Variants in ARFGEF1 observed in about 807,000 individuals in gnomAD.
ARFGEF1 encodes brefeldin A-inhibited guanine nucleotide-exchange protein 1.
ARFGEF1 carries 42 observed loss-of-function variants against 231.0 expected under a neutral mutation model. The ratio of observed to expected loss-of-function variants is 0.18; its 90% CI spans 0.14 to 0.24. The LOEUF (loss-of-function observed/expected upper bound fraction) is 0.24, where lower values mean the gene tolerates loss of function less well. Ranked by LOEUF, ARFGEF1 falls within the 10% of genes least tolerant of loss-of-function variation. The pLI is 1.00. For synonymous variants in ARFGEF1, 710 were observed against 732.3 expected (o/e 0.97, Z 0.49); for missense variants, 1,345 against 2,192.0 (o/e 0.61, Z 7.72).
At position 67,247,913 on chromosome 8, in the gene ARFGEF1, C is replaced by G. The variant is rs576175464; in HGVS notation, c.2850+3386G>C. 9.3e-5 allele frequency among the ~76,000 whole-genome samples: 14 copies of G among 150,220 alleles called. 1 individual carries two copies. The East Asian group carries it at 1.7e-3, about 19-fold the overall frequency. ...ATTCAGTAGCATTTCTATTTGACAA[C>G]AGTGAACAATCTGAGAAAGAAATTT... On this transcript the variant is annotated intron_variant, in intron 19 of 38. Transcript: ENST00000262215.
At chr8:67,315,397 C>G (rs545600798) in intron 1 of ARFGEF1, among the ~76,000 whole-genome samples, 1 of 152,092 alleles carries the variant, frequency 6.6e-6, no homozygotes, top group Non-Finnish European at 1.5e-5. Context: ...CACCATCAAT[C>G]GGCAGGGTAT....
intron 22 of ARFGEF1, among the ~76,000 whole-genome samples, chr8:67,235,419 A>G (rs1345469248): frequency 6.6e-6 from 1 of 152,172 alleles, no homozygotes; most frequent in Non-Finnish European, 1.5e-5. Flanking sequence ...AGCAATCACA[A>G]TAGAGAGGGC....
chr8:67,296,869 G>A (rs1454584350), intron 4 of ARFGEF1, among the ~76,000 whole-genome samples: 1 of 151,872 alleles, frequency 6.6e-6, no homozygotes, highest in African/African-American at 2.4e-5. Context: ...GCCCAGACTG[G>A]TCTCACTCCT....
Position 67,343,637 on chromosome 8 carries a change from G to A in ARFGEF1, c.-350C>T. ...CCCGGCCCGGGCGGCTGTCTGCCGG[G>A]AACTGAGGGACGAGGTGGCGGCGGC... On this transcript the variant is annotated 5_prime_UTR_variant, in exon 1 of 39. Transcript: ENST00000262215. 2.9e-6 allele frequency: 3 copies of A among 1,022,214 alleles called. No individual in the cohort carries two copies. The highest frequency in any genetic ancestry group is 3.5e-6 in the Non-Finnish European group (3 of 853,384). The allele number at this position is 1,022,214 out of a possible 1,614,324, so 63.3% of individuals were successfully genotyped here. A position where few individuals can be genotyped will look rare whatever the true frequency, so the allele number is the denominator to read the frequency against.
At chr8:67,315,951 G>GA (rs1338491957) in intron 1 of ARFGEF1, among the ~76,000 whole-genome samples, 3 of 148,518 alleles carry the variant, frequency 2.0e-5, no homozygotes, top group East Asian at 3.9e-4. Context: ...AAAGCAAGCA[G>GA]AAAAAAAAGG....
intron 4 of ARFGEF1, among the ~76,000 whole-genome samples, chr8:67,296,828 T>C (rs992291241): frequency 1.3e-5 from 2 of 151,952 alleles, no homozygotes; most frequent in African/African-American, 4.8e-5. Context: ...TTTTGTTTTA[T>C]TTTTCTGTAG....
chr8:67,173,893 CAT>C (rs1393538935), downstream of ARFGEF1: 5 of 152,134 alleles, frequency 3.3e-5, no homozygotes, highest in African/African-American at 1.2e-4. Flanking sequence ...CTCATTCTCT[CAT>C]GTGTATATAG....
At chr8:67,274,243 T>C (rs1009924024) in intron 9 of ARFGEF1, among the ~76,000 whole-genome samples, 1 of 151,830 alleles carries the variant, frequency 6.6e-6, no homozygotes, top group Non-Finnish European at 1.5e-5. Context: ...TGGATCATCA[T>C]TTTAGCAAGA....
chr8:67,305,593 C>T (rs557651924), intron 1 of ARFGEF1, among the ~76,000 whole-genome samples: 3 of 152,182 alleles, frequency 2.0e-5, no homozygotes, highest in South Asian at 2.1e-4. Context: ...GTGATCAGCC[C>T]GCCTCAGCCT....
chr8:67,200,622 C>G (rs1024489567), intron 37 of ARFGEF1, 109 bp from the exon 38 acceptor site: 1 of 694,678 alleles, frequency 1.4e-6, no homozygotes, highest in Non-Finnish European at 2.5e-6. Flanking sequence ...TATTCAAGAA[C>G]ATGTTAGATC....
chr8:67,261,099 A>G (rs964585095), intron 14 of ARFGEF1, among the ~76,000 whole-genome samples: 3 of 152,236 alleles, frequency 2.0e-5, no homozygotes, highest in African/African-American at 7.2e-5. Context: ...GTCTCCCAAC[A>G]TAAAAGTGCA....
chr8:67,250,772 A>G (rs1840258691), intron 19 of ARFGEF1, among the ~76,000 whole-genome samples: 1 of 152,220 alleles, frequency 6.6e-6, no homozygotes, highest in Non-Finnish European at 1.5e-5. Context: ...GAATTTGGAG[A>G]AAGGATAGAG....
intron 14 of ARFGEF1, among the ~76,000 whole-genome samples, chr8:67,261,465 G>A (rs77765876): frequency 0.025 from 3,812 of 152,282 alleles, 109 homozygotes; most frequent in South Asian, 0.047. Context: ...CTGGATGACA[G>A]CACCAGCTGT....
At chr8:67,314,468 T>C (rs184851302) in intron 1 of ARFGEF1, among the ~76,000 whole-genome samples, 11 of 152,270 alleles carry the variant, frequency 7.2e-5, no homozygotes, top group African/African-American at 2.2e-4. Context: ...TACCCCTGTA[T>C]TTCGCTTGGC....
At chr8:67,239,761 T>C (rs1360619969) in intron 20 of ARFGEF1, among the ~76,000 whole-genome samples, 1 of 152,228 alleles carries the variant, frequency 6.6e-6, no homozygotes, top group Non-Finnish European at 1.5e-5. Context: ...AATATTTACA[T>C]GTCTTAAAGA....
chr8:67,238,645 C>T, intron 21 of ARFGEF1, 90 bp downstream of exon 21: 2 of 1,490,926 alleles, frequency 1.3e-6, no homozygotes, highest in African/African-American at 1.4e-5. Context: ...TAATTTTCTC[C>T]CCTAACATTT....
chr8:67,311,393 G>A (rs1190073083), intron 1 of ARFGEF1, among the ~76,000 whole-genome samples: 1 of 125,000 alleles, frequency 8.0e-6, no homozygotes, highest in Non-Finnish European at 1.7e-5. Context: ...TGCCCAGCCA[G>A]CCGCCCCGTC....
chr8:67,327,462 C>T (rs538857211), intron 1 of ARFGEF1, among the ~76,000 whole-genome samples: 1 of 151,954 alleles, frequency 6.6e-6, no homozygotes, highest in Non-Finnish European at 1.5e-5. Context: ...GGATTACAGG[C>T]ACCTGCCACC....
At position 67,203,148 on chromosome 8, in the gene ARFGEF1, T is replaced by C; in HGVS notation, c.5063A>G (p.Glu1688Gly). ...AAACGCTTTTGCAAATCTATGTGAC[T>C]CTAATAAGCAGTCCAGTAGCTTAAA... ...QLFKLLDCLL[E>G]SHRFAKAFNS... The change falls in exon 36 of 39, where the codon GAG (glutamate) becomes GGG (glycine). Residue 1688 changes from glutamate to glycine, a missense_variant. Physicochemically the swap from Glu to Gly is moderately conservative, Grantham distance 98 (BLOSUM62 -2). Transcript: ENST00000262215. 1 of 1,614,166 alleles carries C rather than the reference T, an allele frequency of 6.2e-7. No homozygotes were observed. The highest frequency in any genetic ancestry group is 8.5e-7 in the Non-Finnish European group (1 of 1,180,016).
Sources: gnomAD v4.1 joint callset for allele counts (sites outside exome capture counted in the v4.1 genomes callset) on GRCh38, gnomAD v4.1.1 for gene constraint, MANE v1.5 for transcripts, NCBI Gene and HGNC (gene_info 2026-07-23, HGNC 2026-07-21) for gene names.